FGFR1OP2: variants seen among roughly 807,000 people sequenced by gnomAD.
The protein encoded by FGFR1OP2 is FGFR1 oncogene partner 2.
In FGFR1OP2, 17 loss-of-function variants were observed where a neutral mutation model predicts 35.2. That is an observed-to-expected ratio of 0.48 (90% CI 0.33 to 0.73). The LOEUF is 0.73. Ranked by LOEUF, FGFR1OP2 falls within the 30% of genes least tolerant of loss-of-function variation. FGFR1OP2 has a pLI of 0.02. For missense variants in FGFR1OP2, 251 were observed against 307.3 expected, an observed-to-expected ratio of 0.82 and a Z score of 1.37; for synonymous variants, 105 against 104.6, an observed-to-expected ratio of 1.00 and a Z score of -0.03.
intron 1 of FGFR1OP2, among the ~76,000 whole-genome samples, chr12:26,947,971 A>G (rs920482126): frequency 8.6e-5 from 13 of 152,000 alleles, no homozygotes; most frequent in Admixed American, 3.9e-4. Context: ...TGTAGTTTTG[A>G]CTATTATCTC....
At chr12:26,957,909 C>A in intron 4 of FGFR1OP2, 166 bp downstream of exon 4, 1 of 540,290 alleles carries the variant, frequency 1.9e-6, no homozygotes, top group Non-Finnish European at 3.0e-6. Context: ...TCTTATTTTT[C>A]CATTTCTTGT....
At chr12:26,956,809 G>T in intron 3 of FGFR1OP2, 149 bp downstream of exon 3, 1 of 381,272 alleles carries the variant, frequency 2.6e-6, no homozygotes, top group East Asian at 4.9e-5. Flanking sequence ...TAGCACTGCT[G>T]TTGTTAGCTA....
chr12:26,961,784 C>G (rs1307004333), intron 5 of FGFR1OP2: 3 of 152,196 alleles, frequency 2.0e-5, no homozygotes, highest in Admixed American at 6.5e-5. Flanking sequence ...TAACTTAGGT[C>G]AGTGCCATAG....
At chr12:26,957,333 G>A (rs991277573) in intron 3 of FGFR1OP2, among the ~76,000 whole-genome samples, 1 of 152,128 alleles carries the variant, frequency 6.6e-6, no homozygotes, top group African/African-American at 2.4e-5. Flanking sequence ...GACTCTTGAG[G>A]TCTGTGGCCC....
In FGFR1OP2 at chr12:26,954,252, C is replaced by T; in HGVS notation, c.94C>T (p.Gln32Ter). ...CGATGCAGCAGAATCTCTGATTGAGCAAACCACAGCTCTCAACAAGCGAGT... is the reference window on the plus strand; with the variant it reads ...CGATGCAGCAGAATCTCTGATTGAGTAAACCACAGCTCTCAACAAGCGAGT... Reference protein sequence around the residue: ...HDDAAESLIEQTTALNKRVEA... With the variant: ...HDDAAESLIE Residue 32 changes from glutamine (Q) to a stop codon, truncating the protein, a stop_gained, in exon 2 of 7, where the codon CAA becomes TAA. Coordinates refer to ENST00000229395, the MANE Select transcript of FGFR1OP2 (RefSeq NM_015633.3). LOFTEE classifies it high-confidence loss of function. 1 of 1,611,334 alleles carries T rather than the reference C, an allele frequency of 6.2e-7. No individual in the cohort carries two copies. The highest frequency in any genetic ancestry group is 8.5e-7 in the Non-Finnish European group (1 of 1,178,426).
At chr12:26,939,462 T>A (rs1938674086) in intron 1 of FGFR1OP2, among the ~76,000 whole-genome samples, 1 of 152,206 alleles carries the variant, frequency 6.6e-6, no homozygotes, top group Non-Finnish European at 1.5e-5. Context: ...TACCTTTTAG[T>A]CCTGCTTTAA....
rs1399952902 is a variant in FGFR1OP2, at chr12:26,954,236, A to G, written c.78A>G (p.Ala26=). The change falls in exon 2 of 7, where the codon GCA becomes GCG. Residue 26 remains alanine, a synonymous_variant. Coordinates refer to ENST00000229395, the MANE Select transcript of FGFR1OP2 (RefSeq NM_015633.3). ...VERLRDHDDA[A]ESLIEQTTAL... ...GATTAAGAGATCATGACGATGCAGC[A>G]GAATCTCTGATTGAGCAAACCACAG... 6.2e-7 allele frequency: 1 copy of G among 1,612,854 alleles called. No homozygotes were observed. Among genetic ancestry groups the G allele is most frequent in the Non-Finnish European group, 8.5e-7 (1 of 1,179,270 alleles).
chr12:26,947,816 A>G (rs1938854385), intron 1 of FGFR1OP2, among the ~76,000 whole-genome samples: 1 of 152,202 alleles, frequency 6.6e-6, no homozygotes. Flanking sequence ...GGACATTTAT[A>G]TTTAGTGAAA....
At chr12:26,961,000 A>G (rs1939098079) in intron 5 of FGFR1OP2, 1 of 162,494 alleles carries the variant, frequency 6.2e-6, no homozygotes, top group African/African-American at 2.4e-5. Flanking sequence ...AAATGTTTTA[A>G]TTCAGATTGT....
intron 4 of FGFR1OP2, among the ~76,000 whole-genome samples, chr12:26,959,118 C>T (rs1289132014): frequency 1.3e-5 from 2 of 151,754 alleles, no homozygotes; most frequent in African/African-American, 4.8e-5. Context: ...CTTTATATGC[C>T]TTTATTATAT....
intron 1 of FGFR1OP2, among the ~76,000 whole-genome samples, chr12:26,939,925 G>C (rs1210483877): frequency 1.3e-5 from 2 of 152,150 alleles, no homozygotes; most frequent in African/African-American, 2.4e-5. Context: ...CTGTACATTA[G>C]CTTAAAGGTC....
At chr12:26,944,787 T>C (rs1417058779) in intron 1 of FGFR1OP2, among the ~76,000 whole-genome samples, 1 of 152,216 alleles carries the variant, frequency 6.6e-6, no homozygotes, top group Non-Finnish European at 1.5e-5. Context: ...TAATTGGTGT[T>C]ATTTCTTCTT....
At chr12:26,956,909 C>T (rs1003954007) in intron 3 of FGFR1OP2, among the ~76,000 whole-genome samples, 2 of 152,168 alleles carry the variant, frequency 1.3e-5, no homozygotes, top group African/African-American at 4.8e-5. Flanking sequence ...CCAAACTGAT[C>T]TCCCTGATTC....
chr12:26,952,369 C>T (rs1938946431), intron 1 of FGFR1OP2, among the ~76,000 whole-genome samples: 1 of 152,078 alleles, frequency 6.6e-6, no homozygotes, highest in African/African-American at 2.4e-5. Flanking sequence ...TGGGTATTAG[C>T]CAGTATCAGA....
intron 4 of FGFR1OP2, among the ~76,000 whole-genome samples, chr12:26,959,799 C>T (rs950440585): frequency 2.6e-5 from 4 of 151,916 alleles, no homozygotes; most frequent in Non-Finnish European, 5.9e-5. Context: ...GGAGACACTT[C>T]GACTTAATTA....
chr12:26,947,449 T>C (rs1938847368), intron 1 of FGFR1OP2, among the ~76,000 whole-genome samples: 1 of 152,184 alleles, frequency 6.6e-6, no homozygotes, highest in African/African-American at 2.4e-5. Context: ...GGTCACACTT[T>C]GTCACCCAGG....
chr12:26,946,469 C>T (rs1372986012), intron 1 of FGFR1OP2, among the ~76,000 whole-genome samples: 1 of 152,088 alleles, frequency 6.6e-6, no homozygotes. Flanking sequence ...TACCACCACG[C>T]CCGGTTAATT....
At chr12:26,940,552 T>TA (rs1359132185) in intron 1 of FGFR1OP2, among the ~76,000 whole-genome samples, 2 of 152,236 alleles carry the variant, frequency 1.3e-5, no homozygotes, top group Non-Finnish European at 2.9e-5. Flanking sequence ...TTGGTTTTTT[T>TA]ATTTCCATAT....
intron 1 of FGFR1OP2, among the ~76,000 whole-genome samples, chr12:26,948,697 G>GT (rs1938867779): frequency 6.6e-6 from 1 of 152,222 alleles, no homozygotes; most frequent in South Asian, 2.1e-4. Context: ...AGGAAGCAAA[G>GT]TGTTACATCA....
Sources: allele counts gnomAD v4.1 joint callset (sites outside exome capture counted in the v4.1 genomes callset), GRCh38; gene constraint gnomAD v4.1.1; transcripts MANE v1.5; gene names NCBI Gene and HGNC (gene_info 2026-07-23, HGNC 2026-07-21).